The following CDC42EP3 variants were observed in gnomAD, a reference collection of about 807,000 sequenced individuals.
CDC42EP3 encodes CDC42 effector protein (Rho GTPase binding) 3.
In CDC42EP3, 4 loss-of-function variants were observed where a neutral mutation model predicts 15.5. The ratio of observed to expected loss-of-function variants is 0.26; its 90% CI spans 0.13 to 0.59. The LOEUF (loss-of-function observed/expected upper bound fraction) is 0.59, where lower values mean the gene tolerates loss of function less well. Ranked by LOEUF, CDC42EP3 falls within the 20% of genes least tolerant of loss-of-function variation. CDC42EP3 has a pLI of 0.89. For missense variants in CDC42EP3, 309 were observed against 311.2 expected, an observed-to-expected ratio of 0.99 and a Z score of 0.05; for synonymous variants, 145 against 130.3, an observed-to-expected ratio of 1.11 and a Z score of -0.77.
chr2:37,668,735 A>G (rs1666318102), intron 1 of CDC42EP3, among the ~76,000 whole-genome samples: 1 of 152,230 alleles, frequency 6.6e-6, no homozygotes, highest in Non-Finnish European at 1.5e-5. Context: ...CAAAATGGGG[A>G]TACAACGGTT....
rs367652595 is a variant in CDC42EP3 at position 37,667,046 on chromosome 2, G to T, written c.-236+4380C>A. Among the ~76,000 whole-genome samples the T allele has an allele frequency of 4.6e-5, 7 of 152,230 alleles. No homozygotes were observed. The South Asian group carries it at 6.2e-4, about 14-fold the overall frequency. Reference sequence around the variant, plus strand: ...CCTGTTTCCATCTGAGAAGTCTCTGGAGCTGATCCCCACAGCTAATCACAA... The same window carrying T: ...CCTGTTTCCATCTGAGAAGTCTCTGTAGCTGATCCCCACAGCTAATCACAA... On this transcript the variant is annotated intron_variant, in intron 1 of 1. Coordinates refer to ENST00000295324, the MANE Select transcript of CDC42EP3 (RefSeq NM_006449.5).
rs770246300 is a variant in CDC42EP3 at position 37,643,735 on chromosome 2, A to G, written c.*2088T>C. 9.2e-5 allele frequency: 14 copies of G among 151,494 alleles called. No homozygotes were observed. The highest frequency in any genetic ancestry group is 1.6e-4 in the Non-Finnish European group (11 of 68,042). 9.4% of individuals were successfully genotyped at this position (151,494 alleles called of 1,614,324 possible). A position where few individuals can be genotyped will look rare whatever the true frequency, so the allele number is the denominator to read the frequency against. Reference sequence around the variant, plus strand: ...AAAGAGTCTAAAATTGGCTACAAATAATGAGATACATTGGACTCTTCGTCA... The same window carrying G: ...AAAGAGTCTAAAATTGGCTACAAATGATGAGATACATTGGACTCTTCGTCA... On this transcript the variant is annotated 3_prime_UTR_variant, in exon 2 of 2. Transcript: ENST00000295324.
chr2:37,659,087 T>G (rs935742330), intron 1 of CDC42EP3, among the ~76,000 whole-genome samples: 2 of 152,152 alleles, frequency 1.3e-5, no homozygotes, highest in African/African-American at 4.8e-5. Flanking sequence ...ACCTCAAACC[T>G]AGCAACTATC....
chr2:37,654,425 T>C (rs955020638), intron 1 of CDC42EP3, among the ~76,000 whole-genome samples: 2 of 152,116 alleles, frequency 1.3e-5, no homozygotes, highest in Admixed American at 1.3e-4. Context: ...TTAATTGTAA[T>C]GAAAAGGAAT....
chr2:37,647,644 G>GC (rs889551939), intron 1 of CDC42EP3: 5 of 152,634 alleles, frequency 3.3e-5, no homozygotes, highest in African/African-American at 1.2e-4. Flanking sequence ...TTCGAAGGGA[G>GC]CCCCCATGAT....
chr2:37,669,610 G>A (rs550998402), intron 1 of CDC42EP3, among the ~76,000 whole-genome samples: 3 of 152,308 alleles, frequency 2.0e-5, no homozygotes. Context: ...GCCTGTAGCT[G>A]CTGCCACAGC....
rs1665343833 is a variant in CDC42EP3, at chr2:37,643,734, T to C, written c.*2089A>G. 1 of 151,476 alleles carries C rather than the reference T, an allele frequency of 6.6e-6. No individual in the cohort carries two copies. Among genetic ancestry groups the C allele is most frequent in the South Asian group, 2.1e-4 (1 of 4,832 alleles). The allele number at this position is 151,476 out of a possible 1,614,324, so 9.4% of individuals were successfully genotyped here. A position where few individuals can be genotyped will look rare whatever the true frequency, so the allele number is the denominator to read the frequency against. ...AAAAGAGTCTAAAATTGGCTACAAA[T>C]AATGAGATACATTGGACTCTTCGTC... On this transcript the variant is annotated 3_prime_UTR_variant, in exon 2 of 2. Transcript: ENST00000295324.
intron 1 of CDC42EP3, among the ~76,000 whole-genome samples, chr2:37,649,156 T>G (rs1253430784): frequency 2.7e-5 from 4 of 149,100 alleles, no homozygotes; most frequent in African/African-American, 9.9e-5. Context: ...CCTGTCTCTA[T>G]GAAAAAAAAA....
intron 1 of CDC42EP3, among the ~76,000 whole-genome samples, chr2:37,660,637 C>A (rs1262768993): frequency 6.6e-6 from 1 of 152,030 alleles, no homozygotes; most frequent in Non-Finnish European, 1.5e-5. Context: ...GAGGAAAATC[C>A]TTTTACTTCC....
At chr2:37,656,773 C>G (rs533848632) in intron 1 of CDC42EP3, among the ~76,000 whole-genome samples, 1 of 152,226 alleles carries the variant, frequency 6.6e-6, no homozygotes, top group South Asian at 2.1e-4. Context: ...GAGGAAATGA[C>G]ACACCAAGAG....
intron 1 of CDC42EP3, among the ~76,000 whole-genome samples, chr2:37,662,124 C>A (rs887849383): frequency 3.9e-5 from 6 of 151,978 alleles, no homozygotes; most frequent in Non-Finnish European, 8.8e-5. Context: ...GTAAGACTAG[C>A]CTTAGAATCA....
chr2:37,672,285 A>C (rs1666458987), upstream of CDC42EP3: 1 of 152,504 alleles, frequency 6.6e-6, no homozygotes, highest in Non-Finnish European at 1.5e-5. Context: ...AAGCGCCCTG[A>C]AGATGCCGGA....
intron 1 of CDC42EP3, among the ~76,000 whole-genome samples, chr2:37,669,233 TA>T (rs577020049): frequency 0.4 from 48,154 of 121,168 alleles, 9,225 homozygotes; most frequent in African/African-American, 0.57. Flanking sequence ...ATGGCCTGGC[TA>T]AAAAAAAAAA....
intron 1 of CDC42EP3, among the ~76,000 whole-genome samples, chr2:37,662,885 T>A (rs1478664240): frequency 6.6e-6 from 1 of 152,144 alleles, no homozygotes; most frequent in Non-Finnish European, 1.5e-5. Flanking sequence ...CCTTTCACAG[T>A]CAGGTGCGGT....
intron 1 of CDC42EP3, among the ~76,000 whole-genome samples, chr2:37,656,472 C>T (rs1665849643): frequency 6.6e-6 from 1 of 152,212 alleles, no homozygotes; most frequent in Non-Finnish European, 1.5e-5. Flanking sequence ...AGCAAGTCTA[C>T]AGAGGCTCTC....
At chr2:37,659,027 C>G (rs539471641) in intron 1 of CDC42EP3, among the ~76,000 whole-genome samples, 1 of 152,324 alleles carries the variant, frequency 6.6e-6, no homozygotes, top group South Asian at 2.1e-4. Context: ...GCAACTGAAT[C>G]TCCTGCCAGT....
rs1665413804 is a variant in CDC42EP3 at position 37,645,315 on chromosome 2, C to T, written c.*508G>A. The T allele has an allele frequency of 6.6e-6, 1 of 152,618 alleles. No homozygotes were observed. The highest frequency in any genetic ancestry group is 6.5e-5 in the Admixed American group (1 of 15,282). The allele number at this position is 152,618 out of a possible 1,614,324, so 9.5% of individuals were successfully genotyped here. On this transcript the variant is annotated 3_prime_UTR_variant, in exon 2 of 2. Transcript: ENST00000295324. ...AAGAACTACAAGAAAATCCCCAAAACCCATAAAGTTCAAATGTGAAAACAG... is the reference window on the plus strand; with the variant it reads ...AAGAACTACAAGAAAATCCCCAAAATCCATAAAGTTCAAATGTGAAAACAG...
chr2:37,655,134 T>C (rs1458240194), intron 1 of CDC42EP3, among the ~76,000 whole-genome samples: 1 of 152,232 alleles, frequency 6.6e-6, no homozygotes, highest in Non-Finnish European at 1.5e-5. Context: ...AGCTCTAAGC[T>C]TCAAGACTAT....
intron 1 of CDC42EP3, among the ~76,000 whole-genome samples, chr2:37,669,763 C>A (rs866518662): frequency 2.0e-5 from 3 of 152,188 alleles, no homozygotes; most frequent in African/African-American, 4.8e-5. Flanking sequence ...GAGGCTGGTG[C>A]TGTTTTATTC....
Sources: gnomAD v4.1 joint callset for allele counts (sites outside exome capture counted in the v4.1 genomes callset) on GRCh38, gnomAD v4.1.1 for gene constraint, MANE v1.5 for transcripts, NCBI Gene and HGNC (gene_info 2026-07-23, HGNC 2026-07-21) for gene names.